ACSBG1: variants seen among roughly 807,000 people sequenced by gnomAD.
The protein encoded by ACSBG1 is acyl-CoA synthetase bubblegum family member 1.
In ACSBG1, 39 loss-of-function variants were observed where a neutral mutation model predicts 80.2. The observed-to-expected ratio is 0.49, with a 90% CI of 0.38 to 0.64. The LOEUF is 0.64. ACSBG1 is among the 30% of genes least tolerant of loss of function. The pLI, the probability that ACSBG1 is intolerant of heterozygous loss-of-function variation, is 0.00. For synonymous variants in ACSBG1, 392 were observed against 379.5 expected (o/e 1.03, Z -0.38); for missense variants, 828 against 966.4 (o/e 0.86, Z 1.90).
At chr15:78,173,212 G>A (rs2074843985) in intron 13 of ACSBG1, among the ~76,000 whole-genome samples, 1 of 151,950 alleles carries the variant, frequency 6.6e-6, no homozygotes, top group South Asian at 2.1e-4. Flanking sequence ...GGGCATGGTG[G>A]CCCATGCCTG....
intron 9 of ACSBG1, among the ~76,000 whole-genome samples, chr15:78,180,054 A>C (rs894669748): frequency 8.5e-5 from 13 of 152,172 alleles, no homozygotes; most frequent in Non-Finnish European, 1.9e-4. Context: ...ACGGGCAACA[A>C]CACAGACACA....
Position 78,172,896 on chromosome 15 carries a change from C to G in ACSBG1, c.2089+697G>C, listed in dbSNP as rs2074840086. The stretch of plus-strand genomic sequence containing the variant: ...TCCCTTTGTCACACAAGCTGACTTT[C>G]CGGAAGATCACAGTACTCTCACCCC... On this transcript the variant is annotated intron_variant, in intron 13 of 13. Transcript: ENST00000258873. The surrounding 1 kb of genome is among the most constrained non-coding windows in gnomAD (Gnocchi z 4.1). 6.6e-6 allele frequency among the ~76,000 whole-genome samples: 1 copy of G among 152,200 alleles called. No individual in the cohort carries two copies. Among genetic ancestry groups the G allele is most frequent in the Non-Finnish European group, 1.5e-5 (1 of 68,042 alleles).
intron 5 of ACSBG1, among the ~76,000 whole-genome samples, chr15:78,184,894 C>A (rs958651495): frequency 6.6e-6 from 1 of 152,206 alleles, no homozygotes; most frequent in Admixed American, 6.5e-5. Flanking sequence ...TACTGGACTA[C>A]AGACAGCTCA....
At chr15:78,222,006 A>T (rs539699547) in intron 1 of ACSBG1, among the ~76,000 whole-genome samples, 1 of 152,220 alleles carries the variant, frequency 6.6e-6, no homozygotes, top group Non-Finnish European at 1.5e-5. Flanking sequence ...CTACATAGAC[A>T]CAGTAACAAT....
intron 11 of ACSBG1, among the ~76,000 whole-genome samples, chr15:78,176,400 AT>A (rs2074883155): frequency 6.6e-6 from 1 of 152,212 alleles, no homozygotes; most frequent in Admixed American, 6.5e-5. Context: ...GAATATACAC[AT>A]TACTGGATTG....
At chr15:78,211,167 A>G in intron 1 of ACSBG1, among the ~76,000 whole-genome samples, 1 of 152,240 alleles carries the variant, frequency 6.6e-6, no homozygotes, top group Admixed American at 6.5e-5. Flanking sequence ...TTAACTCCTC[A>G]AAAGCATTTT....
rs768917680 is a variant in ACSBG1, at chr15:78,193,570, G to A, written c.599C>T (p.Ala200Val). The change falls in exon 5 of 14, where the codon GCT (alanine) becomes GTT (valine). Residue 200 changes from alanine (A) to valine (V), a missense_variant. Around this residue, in one of 3 missense-constraint regions of ACSBG1, gnomAD observed 356 missense variants for 363.5 expected, o/e 0.98. Coordinates refer to ENST00000258873, the MANE Select transcript of ACSBG1 (RefSeq NM_015162.5). Reference sequence around the variant, plus strand: ...GATGACATTGGCGCAGCAGTCATAAGCGATGTACTGGCAGGCCTCTGGGGA... The same window carrying A: ...GATGACATTGGCGCAGCAGTCATAAACGATGTACTGGCAGGCCTCTGGGGA... ...TSSPEACQYI[A>V]YDCCANVIMV... is the part of the protein sequence containing the mutation. The A allele has an allele frequency of 1.2e-6, 2 of 1,613,922 alleles. No homozygotes were observed. Among genetic ancestry groups the A allele is most frequent in the East Asian group, 2.2e-5 (1 of 44,872 alleles).
chr15:78,200,007 G>C (rs923505372), intron 2 of ACSBG1, among the ~76,000 whole-genome samples: 7 of 152,062 alleles, frequency 4.6e-5, no homozygotes, highest in Non-Finnish European at 5.9e-5. Flanking sequence ...CCTCCTTCTC[G>C]GTTTAGATTA....
chr15:78,229,899 C>G (rs1332422349), intron 1 of ACSBG1, among the ~76,000 whole-genome samples: 3 of 152,174 alleles, frequency 2.0e-5, no homozygotes, highest in African/African-American at 7.2e-5. Context: ...AGGAGTTAGC[C>G]GGTCCCCAAC....
At chr15:78,173,363 A>AG (rs2074846545) in intron 13 of ACSBG1, among the ~76,000 whole-genome samples, 1 of 151,210 alleles carries the variant, frequency 6.6e-6, no homozygotes, top group East Asian at 1.9e-4. Context: ...AAAAAAAAAA[A>AG]AAAAAAGGAA....
intron 2 of ACSBG1, among the ~76,000 whole-genome samples, chr15:78,202,368 G>A (rs554156590): frequency 1.3e-5 from 2 of 152,074 alleles, no homozygotes; most frequent in South Asian, 2.1e-4. Context: ...GTGACACCAC[G>A]CCCAGCTAAT....
chr15:78,215,724 GAGAA>G (rs56078523), intron 1 of ACSBG1, among the ~76,000 whole-genome samples: 18,903 of 116,262 alleles, frequency 0.16, 1,447 homozygotes, highest in Admixed American at 0.17. Flanking sequence ...AAGAAAGAAA[GAGAA>G]AGAAAGAAAG....
rs2074849741 is a variant in ACSBG1, at chr15:78,173,615, G to A, written c.2067C>T (p.Phe689=). The A allele has an allele frequency of 1.9e-6, 3 of 1,614,184 alleles. No homozygotes were observed. Among genetic ancestry groups the A allele is most frequent in the Non-Finnish European group, 2.5e-6 (3 of 1,180,034 alleles). The part of the protein sequence containing the change: ...IQKWAILERD[F]SISGGELGPT... Reference sequence around the variant, plus strand: ...TACCCAACTCTCCACCCGAAATGGAGAAGTCTCTCTCGAGAATGGCCCACT... The same window carrying A: ...TACCCAACTCTCCACCCGAAATGGAAAAGTCTCTCTCGAGAATGGCCCACT... The change falls in exon 13 of 14, where the codon TTC becomes TTT. Residue 689 remains phenylalanine (F), a synonymous_variant. Transcript: ENST00000258873.
In ACSBG1 at chr15:78,209,626, A is replaced by C. The variant is rs568008434; in HGVS notation, c.132-1524T>G. The stretch of plus-strand genomic sequence containing the variant: ...TGGCCCCTGAGCTCTGGGTTCAGGC[A>C]GCGACGGCAAACGAGGGACACGTAC... On this transcript the variant is annotated intron_variant, in intron 1 of 13. Coordinates refer to ENST00000258873, the MANE Select transcript of ACSBG1 (RefSeq NM_015162.5). Among the ~76,000 whole-genome samples, 5 of 152,294 alleles carry C rather than the reference A, an allele frequency of 3.3e-5. No individual in the cohort carries two copies. The East Asian group carries it at 9.7e-4, about 29-fold the overall frequency.
chr15:78,182,005 C>T lies in ACSBG1; in HGVS notation c.1035G>A (p.Gly345=), dbSNP rs2074950555. The T allele has an allele frequency of 6.2e-7, 1 of 1,614,084 alleles. No homozygotes were observed. The highest frequency in any genetic ancestry group is 8.5e-7 in the Non-Finnish European group (1 of 1,180,006). Residue 345 remains glycine (G), a synonymous_variant, in exon 8 of 14, where the codon GGG becomes GGA. Transcript: ENST00000258873. ...CGGGTTCGGCAAAGCAAACCTGGGCCCCCCACTGGATGCCTGTCCACAGGT... is the reference window on the plus strand; with the variant it reads ...CGGGTTCGGCAAAGCAAACCTGGGCTCCCCACTGGATGCCTGTCCACAGGT... ...IYDLWTGIQW[G]AQVCFAEPDA... is the part of the protein sequence containing the mutation.
chr15:78,212,718 C>T (rs1015504067), intron 1 of ACSBG1: 14 of 399,484 alleles, frequency 3.5e-5, no homozygotes, highest in East Asian at 2.2e-4. Context: ...CCGGCTCCAC[C>T]GGACCGCCCT....
At chr15:78,190,579 AAAAG>A (rs1392331927) in intron 5 of ACSBG1, among the ~76,000 whole-genome samples, 1 of 151,594 alleles carries the variant, frequency 6.6e-6, no homozygotes, top group Non-Finnish European at 1.5e-5. Flanking sequence ...TTAAAAAAAA[AAAAG>A]AAAAAAGAAA....
chr15:78,205,578 C>A (rs2075206185), intron 2 of ACSBG1, among the ~76,000 whole-genome samples: 1 of 152,200 alleles, frequency 6.6e-6, no homozygotes, highest in Admixed American at 6.5e-5. Context: ...AAATCACTAA[C>A]CCTCTCTGAG....
intron 11 of ACSBG1, chr15:78,174,829 GCCCGTGTCATT>G (rs1297464770): frequency 2.3e-6 from 1 of 430,876 alleles, no homozygotes; most frequent in African/African-American, 2.0e-5. Context: ...CCCCCAAATA[GCCCGTGTCATT>G]TCCCTTCCCT....
Sources: gnomAD v4.1 joint callset for allele counts (sites outside exome capture counted in the v4.1 genomes callset) on GRCh38, gnomAD v4.1.1 for gene constraint, gnomAD v4.1.1 regional missense constraint, Gnocchi (gnomAD v3.1) non-coding constraint, MANE v1.5 for transcripts, NCBI Gene and HGNC (gene_info 2026-07-23, HGNC 2026-07-21) for gene names.